The following EIF4G3 variants were observed in gnomAD, a reference collection of about 807,000 sequenced individuals.
The protein encoded by EIF4G3 is eIF-4-gamma 3.
In EIF4G3, 34 loss-of-function variants were observed where a neutral mutation model predicts 186.4. The ratio of observed to expected loss-of-function variants is 0.18; its 90% confidence interval spans 0.14 to 0.24. EIF4G3 has a LOEUF of 0.24. Among genes scored for constraint, EIF4G3 ranks in the 10% least tolerant of loss-of-function variants. The pLI is 1.00. For missense variants in EIF4G3, 1,536 were observed against 1,948.5 expected (o/e 0.79, Z 3.99); for synonymous variants, 673 against 679.5 (o/e 0.99, Z 0.15).
Position 21,115,011 on chromosome 1 carries a change from T to A in EIF4G3, c.-271-25798A>T, listed in dbSNP as rs1286842337. Among the ~76,000 whole-genome samples, 3 of 152,158 alleles carry A rather than the reference T, an allele frequency of 2.0e-5. No homozygotes were observed. In the East Asian group the frequency reaches 5.8e-4, roughly 29 times the overall value. ...GACCCCATCTCTACGGAAAAAAACCTTTTTTTAATTTACAATTACAGTTTA... is the reference window on the plus strand; with the variant it reads ...GACCCCATCTCTACGGAAAAAAACCATTTTTTAATTTACAATTACAGTTTA... On this transcript the variant is annotated intron_variant, in intron 2 of 36. Transcript: ENST00000602326.
intron 4 of EIF4G3, among the ~76,000 whole-genome samples, chr1:21,048,807 A>G (rs1050817837): frequency 6.6e-6 from 1 of 152,202 alleles, no homozygotes; most frequent in African/African-American, 2.4e-5. Flanking sequence ...AACAAGGTCA[A>G]GATCTTAGCC....
At chr1:21,089,298 G>A (rs1309585961) in intron 2 of EIF4G3, 85 bp from the exon 3 acceptor site, 7 of 684,998 alleles carry the variant, frequency 1.0e-5, no homozygotes, top group South Asian at 1.6e-5. Flanking sequence ...TTCCACCAAC[G>A]ACCTAAGCAT....
chr1:21,086,524 C>A (rs1426865374), intron 3 of EIF4G3, among the ~76,000 whole-genome samples: 1 of 152,142 alleles, frequency 6.6e-6, no homozygotes, highest in Non-Finnish European at 1.5e-5. Flanking sequence ...CTCTTCTCTA[C>A]CTACAGAAGT....
In EIF4G3 at chr1:20,917,659, A is replaced by G. The variant is rs1572780118; in HGVS notation, c.1664-12688T>C. Among the ~76,000 whole-genome samples, 5 of 152,230 alleles carry G rather than the reference A, an allele frequency of 3.3e-5. No individual in the cohort carries two copies. The South Asian group carries it at 6.2e-4, about 19-fold the overall frequency. ...GGAGGGAGGGATTTACAAAACAGGC[A>G]TAAGAAAAATTTTGGGTGATAAATA... On this transcript the variant is annotated intron_variant, in intron 14 of 36. Coordinates refer to ENST00000602326, the MANE Select transcript of EIF4G3 (RefSeq NM_001391906.1).
chr1:20,911,482 A>C (rs2093188511), intron 14 of EIF4G3, among the ~76,000 whole-genome samples: 1 of 140,304 alleles, frequency 7.1e-6, no homozygotes, highest in Non-Finnish European at 1.5e-5. Flanking sequence ...GGATCACTTG[A>C]GCCCAGGAGT....
At chr1:21,149,249 C>T (rs1200796974) in intron 2 of EIF4G3, among the ~76,000 whole-genome samples, 1 of 151,740 alleles carries the variant, frequency 6.6e-6, no homozygotes, top group Admixed American at 6.6e-5. Flanking sequence ...TAAATATGTA[C>T]AAAAATATGT....
At chr1:21,020,002 A>G (rs964433389) in intron 4 of EIF4G3, among the ~76,000 whole-genome samples, 3 of 152,244 alleles carry the variant, frequency 2.0e-5, no homozygotes, top group South Asian at 2.1e-4. Context: ...CTTCATGTCA[A>G]TGAGGGTTCT....
At chr1:20,838,098 C>T (rs1196353249) in intron 30 of EIF4G3, among the ~76,000 whole-genome samples, 3 of 152,130 alleles carry the variant, frequency 2.0e-5, no homozygotes, top group African/African-American at 7.2e-5. Context: ...TTGCCGGCAA[C>T]AGCAATTCTA....
chr1:21,066,630 A>G (rs1317224042), intron 3 of EIF4G3, among the ~76,000 whole-genome samples: 1 of 152,230 alleles, frequency 6.6e-6, no homozygotes, highest in African/African-American at 2.4e-5. Context: ...GTGCTTTTAA[A>G]AGATAAAAAG....
At chr1:21,161,126 G>A (rs943359318) in intron 2 of EIF4G3, among the ~76,000 whole-genome samples, 7 of 152,044 alleles carry the variant, frequency 4.6e-5, no homozygotes, top group South Asian at 2.1e-4. Flanking sequence ...AGCACACATC[G>A]CACCACTGCA....
At chr1:21,105,644 G>A (rs755211965) in intron 2 of EIF4G3, among the ~76,000 whole-genome samples, 1 of 152,164 alleles carries the variant, frequency 6.6e-6, no homozygotes, top group Non-Finnish European at 1.5e-5. Context: ...TAAAGTAGAA[G>A]TAATTTCTGA....
At chr1:20,892,803 A>C in intron 18 of EIF4G3, 1 of 983,124 alleles carries the variant, frequency 1.0e-6, no homozygotes, top group Non-Finnish European at 1.5e-6. Context: ...AGGACACCTC[A>C]AAACAAAACA....
At position 20,941,617 on chromosome 1, in the gene EIF4G3, T is replaced by C; in HGVS notation, c.1537A>G (p.Ser513Gly). Reference protein sequence around the residue: ...TVQRVLEEDESIRTCLSEDAK... With the variant: ...TVQRVLEEDEGIRTCLSEDAK... Reference sequence around the variant, plus strand: ...TCTTCACTAAGGCAAGTTCTTATGCTCTCGTCCTCCTCTAGGACTCTCTGG... The same window carrying C: ...TCTTCACTAAGGCAAGTTCTTATGCCCTCGTCCTCCTCTAGGACTCTCTGG... Residue 513 changes from serine to glycine, a missense_variant, in exon 14 of 37, where the codon AGC (serine) becomes GGC (glycine). Transcript: ENST00000602326. 6.2e-7 allele frequency: 1 copy of C among 1,614,206 alleles called. No individual in the cohort carries two copies. The highest frequency in any genetic ancestry group is 8.5e-7 in the Non-Finnish European group (1 of 1,180,040).
intron 2 of EIF4G3, among the ~76,000 whole-genome samples, chr1:21,095,458 T>TGTAC (rs2096340882): frequency 6.6e-6 from 1 of 152,106 alleles, no homozygotes; most frequent in South Asian, 2.1e-4. Context: ...ACTACAGGTG[T>TGTAC]GTACCATCGT....
intron 19 of EIF4G3, among the ~76,000 whole-genome samples, chr1:20,881,760 C>T: frequency 6.6e-6 from 1 of 151,678 alleles, no homozygotes; most frequent in East Asian, 1.9e-4. Context: ...TGCACTCCAG[C>T]CTGGGCAACA....
At position 20,997,601 on chromosome 1, in the gene EIF4G3, C is replaced by G; in HGVS notation, c.177G>C (p.Gln59His). 6.5e-7 allele frequency: 1 copy of G among 1,548,636 alleles called. No homozygotes were observed. The highest frequency in any genetic ancestry group is 2.5e-5 in the East Asian group (1 of 40,806). ...FAAGPRPPHH[Q>H]GGFRPIQFFQ... is the part of the protein sequence containing the mutation. ...TAGTGAAGGGGCAAGGGTACAGTAC[C>G]TGATGATGGGGAGGTCGAGGCCCCG... Residue 59 changes from glutamine (Q) to histidine (H), a missense_variant and splice_region_variant, in exon 7 of 37, where the codon CAG becomes CAC. Transcript: ENST00000602326.
intron 16 of EIF4G3, among the ~76,000 whole-genome samples, chr1:20,897,492 AG>A (rs2088670287): frequency 6.6e-6 from 1 of 150,450 alleles, no homozygotes; most frequent in Non-Finnish European, 1.5e-5. Context: ...TTAGATACTA[AG>A]TTTTTTCTCC....
rs2083456952 is a variant in EIF4G3, at chr1:21,001,317, C to CA, written c.31-6dup. 2.1e-6 allele frequency: 1 copy of CA among 470,724 alleles called. No homozygotes were observed. Among genetic ancestry groups the CA allele is most frequent in the Non-Finnish European group, 4.4e-6 (1 of 226,916 alleles). 29.2% of individuals were successfully genotyped at this position (470,724 alleles called of 1,614,324 possible). A position where few individuals can be genotyped will look rare whatever the true frequency, so the allele number is the denominator to read the frequency against. On this transcript the variant is annotated splice_polypyrimidine_tract_variant and splice_region_variant and intron_variant, in intron 5 of 36. Coordinates refer to ENST00000602326, the MANE Select transcript of EIF4G3 (RefSeq NM_001391906.1). ...TATTGGCACTGTTCTGCTGGGCTGT[C>CA]AAAAAAACTGGTTTAGAGATGCAGC...
chr1:21,017,522 GGAGGCT>G (rs1296688864), intron 4 of EIF4G3, among the ~76,000 whole-genome samples: 2 of 151,590 alleles, frequency 1.3e-5, no homozygotes, highest in East Asian at 3.9e-4. Flanking sequence ...CAGCTACTCG[GGAGGCT>G]GAGGCAGGAG....
Sources: allele counts gnomAD v4.1 joint callset (sites outside exome capture counted in the v4.1 genomes callset), GRCh38; gene constraint gnomAD v4.1.1; transcripts MANE v1.5; gene names NCBI Gene and HGNC (gene_info 2026-07-23, HGNC 2026-07-21).